Variants in PLEKHG1 observed in about 807,000 individuals in gnomAD.
PLEKHG1 encodes the protein pleckstrin homology domain-containing family G member 1.
PLEKHG1 carries 44 observed loss-of-function variants against 100.8 expected under a neutral mutation model. That is an observed-to-expected ratio of 0.44 (90% CI 0.34 to 0.56). The LOEUF (loss-of-function observed/expected upper bound fraction) is 0.56, where lower values mean the gene tolerates loss of function less well. PLEKHG1 is among the 20% of genes least tolerant of loss of function. The probability of loss-of-function intolerance (pLI) is 0.01; values close to 1 mark genes in which losing one functional copy is unlikely to be tolerated. For synonymous variants in PLEKHG1, 640 were observed against 662.5 expected (o/e 0.97, Z 0.52); for missense variants, 1,545 against 1,720.9 (o/e 0.90, Z 1.81).
chr6:150,809,568 A>C (rs1238387098), intron 9 of PLEKHG1, 80 bp from the exon 11 acceptor site: 3 of 1,489,506 alleles, frequency 2.0e-6, no homozygotes, highest in Non-Finnish European at 2.8e-6. Context: ...TTCTGGCCAC[A>C]TGGTCATTTC....
intron 15 of PLEKHG1, among the ~76,000 whole-genome samples, chr6:150,838,313 T>C (rs1411563929): frequency 6.6e-6 from 1 of 152,244 alleles, no homozygotes; most frequent in African/African-American, 2.4e-5. Context: ...TTGTCCAACC[T>C]ATGGCCCACA....
At chr6:150,674,637 CTCTCTCT>C (rs1779685279) in intron 3 of PLEKHG1, among the ~76,000 whole-genome samples, 1 of 92,096 alleles carries the variant, frequency 1.1e-5, no homozygotes, top group African/African-American at 4.3e-5. Context: ...TCCTCCCTCT[CTCTCTCT>C]CTCTCTCTCT....
At chr6:150,747,777 T>C (rs1242558553) in intron 2 of PLEKHG1, among the ~76,000 whole-genome samples, 3 of 151,958 alleles carry the variant, frequency 2.0e-5, no homozygotes, top group Non-Finnish European at 2.9e-5. Context: ...ATGTGTGTAA[T>C]GCCAGCTACT....
exon 16 of PLEKHG1, chr6:150,841,714 G>C (rs1777539288): frequency 6.6e-6 from 1 of 152,186 alleles, no homozygotes; most frequent in African/African-American, 2.4e-5. Context: ...CTCTTCAAAT[G>C]ACTGTTGAAA....
At chr6:150,748,767 G>A (rs184174290) in intron 2 of PLEKHG1, among the ~76,000 whole-genome samples, 4 of 151,728 alleles carry the variant, frequency 2.6e-5, no homozygotes, top group Admixed American at 2.0e-4. Flanking sequence ...GATTACAGAC[G>A]CACCCCCACC....
chr6:150,677,352 A>C (rs907789825), intron 3 of PLEKHG1, among the ~76,000 whole-genome samples: 129 of 151,820 alleles, frequency 8.5e-4, no homozygotes, highest in African/African-American at 3.0e-3. Context: ...CATTGCTTGG[A>C]GTTTCACTGG....
At chr6:150,774,808 G>A (rs997500775) in intron 3 of PLEKHG1, among the ~76,000 whole-genome samples, 57 of 151,678 alleles carry the variant, frequency 3.8e-4, no homozygotes, top group African/African-American at 1.2e-3. Context: ...TGGGATTACA[G>A]GGGGGAGCCA....
chr6:150,726,376 C>T (rs1781963840), intron 1 of PLEKHG1, among the ~76,000 whole-genome samples: 1 of 152,118 alleles, frequency 6.6e-6, no homozygotes, highest in Non-Finnish European at 1.5e-5. Flanking sequence ...ATACTTATCT[C>T]CAGATTCAAG....
chr6:150,821,064 T>A lies in PLEKHG1; in HGVS notation c.1409-131T>A, dbSNP rs144013064. On this transcript the variant is annotated intron_variant, in intron 12 of 15. Coordinates refer to ENST00000358517, the Ensembl canonical transcript of PLEKHG1. Reference sequence around the variant, plus strand: ...CTGTGTATCTCTGAGCAATGGGGATTTTGTTAAATTTGATACAAAAGTTAT... The same window carrying A: ...CTGTGTATCTCTGAGCAATGGGGATATTGTTAAATTTGATACAAAAGTTAT... 2.2e-4 allele frequency: 153 copies of A among 685,232 alleles called. 2 individuals are homozygous for A. In the African/African-American group the frequency reaches 2.2e-3, roughly 10 times the overall value. The allele number at this position is 685,232 out of a possible 1,614,324, so 42.4% of individuals were successfully genotyped here. A position where few individuals can be genotyped will look rare whatever the true frequency, so the allele number is the denominator to read the frequency against.
At chr6:150,642,224 TTTTAA>T (rs1348885262) in intron 2 of PLEKHG1, among the ~76,000 whole-genome samples, 2 of 152,238 alleles carry the variant, frequency 1.3e-5, no homozygotes, top group African/African-American at 4.8e-5. Context: ...AATTTTATTA[TTTTAA>T]TTAACATTCA....
At chr6:150,835,543 T>C (rs962550720) in intron 15 of PLEKHG1, among the ~76,000 whole-genome samples, 1 of 152,180 alleles carries the variant, frequency 6.6e-6, no homozygotes, top group Non-Finnish European at 1.5e-5. Flanking sequence ...ACCAGAGACA[T>C]TCTTGCGATT....
intron 1 of PLEKHG1, among the ~76,000 whole-genome samples, chr6:150,632,541 C>T (rs1241022345): frequency 6.6e-6 from 1 of 152,232 alleles, no homozygotes; most frequent in Non-Finnish European, 1.5e-5. Flanking sequence ...CCTGCATTGG[C>T]CATACCCCTC....
intron 3 of PLEKHG1, among the ~76,000 whole-genome samples, chr6:150,674,246 G>A (rs992334444): frequency 1.3e-4 from 20 of 151,990 alleles, no homozygotes; most frequent in South Asian, 1.2e-3. Context: ...TCAAGTTAGG[G>A]ATATGCATGA....
At chr6:150,778,256 T>C (rs1355476779) in intron 3 of PLEKHG1, among the ~76,000 whole-genome samples, 1 of 152,168 alleles carries the variant, frequency 6.6e-6, no homozygotes, top group Non-Finnish European at 1.5e-5. Flanking sequence ...ACCTCCCAAG[T>C]AGCTGGAATT....
intron 2 of PLEKHG1, among the ~76,000 whole-genome samples, chr6:150,742,975 G>A (rs1469630560): frequency 1.3e-5 from 2 of 152,064 alleles, no homozygotes; most frequent in Non-Finnish European, 2.9e-5. Flanking sequence ...AGATACATAC[G>A]GGGAAGGTTT....
chr6:150,763,775 T>A (rs1448489951), intron 2 of PLEKHG1, among the ~76,000 whole-genome samples: 2 of 152,084 alleles, frequency 1.3e-5, no homozygotes, highest in African/African-American at 4.8e-5. Context: ...GACAGATGGG[T>A]CCCCATGTAC....
chr6:150,794,775 G>A (rs1786217224), intron 4 of PLEKHG1, among the ~76,000 whole-genome samples: 1 of 151,976 alleles, frequency 6.6e-6, no homozygotes, highest in Non-Finnish European at 1.5e-5. Context: ...GGGGGGTGGG[G>A]CAGAGACGAG....
At chr6:150,705,456 C>T (rs1033486957) in intron 3 of PLEKHG1, among the ~76,000 whole-genome samples, 2 of 152,228 alleles carry the variant, frequency 1.3e-5, no homozygotes, top group Non-Finnish European at 2.9e-5. Flanking sequence ...CGGCGGGGAC[C>T]GCCTGTCCCA....
At chr6:150,689,346 T>C (rs74527235) in intron 3 of PLEKHG1, among the ~76,000 whole-genome samples, 113 of 152,354 alleles carry the variant, frequency 7.4e-4, no homozygotes, top group Non-Finnish European at 1.1e-3. Flanking sequence ...CTGGTATTTT[T>C]ATATTTAAGT....
Sources: gnomAD v4.1 joint callset for allele counts (sites outside exome capture counted in the v4.1 genomes callset) on GRCh38, gnomAD v4.1.1 for gene constraint, MANE v1.5 for transcripts, NCBI Gene and HGNC (gene_info 2026-07-23, HGNC 2026-07-21) for gene names.